Variants in EIF4E observed in about 807,000 individuals in gnomAD.
The protein encoded by EIF4E is eIF-4F 25 kDa subunit.
For synonymous variants in EIF4E, 71 were observed against 88.5 expected (o/e 0.80, Z 1.11); for missense variants, 113 against 265.6 (o/e 0.43, Z 3.99).
chr4:98,881,175 T>G, intron 6 of EIF4E, 33 bp from the exon 7 acceptor site: 1 of 1,604,930 alleles, frequency 6.2e-7, no homozygotes, highest in Non-Finnish European at 8.5e-7. Flanking sequence ...AAGAAAAAAG[T>G]AGTCATTAAC....
At chr4:98,901,600 C>T (rs989459677) in intron 2 of EIF4E, among the ~76,000 whole-genome samples, 2 of 152,184 alleles carry the variant, frequency 1.3e-5, no homozygotes, top group Non-Finnish European at 2.9e-5. Flanking sequence ...GGTCTTTGTC[C>T]TGAGTCAAGT....
intron 1 of EIF4E, among the ~76,000 whole-genome samples, chr4:98,923,605 C>G (rs1271838643): frequency 6.6e-6 from 1 of 152,194 alleles, no homozygotes; most frequent in Non-Finnish European, 1.5e-5. Flanking sequence ...GCCACCAAGC[C>G]CAGCCCCTTT....
intron 1 of EIF4E, among the ~76,000 whole-genome samples, chr4:98,902,490 C>T (rs543012293): frequency 2.6e-5 from 4 of 152,118 alleles, no homozygotes; most frequent in South Asian, 2.1e-4. Context: ...AAAGAGCAAA[C>T]GGTTTCTCAA....
intron 1 of EIF4E, 108 bp downstream of exon 1, chr4:98,928,987 G>A (rs758467158): frequency 1.0e-4 from 165 of 1,572,546 alleles, no homozygotes; most frequent in Non-Finnish European, 1.4e-4. Flanking sequence ...GGGAAGGGGC[G>A]GCAAGGGGTA....
intron 1 of EIF4E, among the ~76,000 whole-genome samples, chr4:98,920,997 C>T (rs1052428119): frequency 6.6e-6 from 1 of 152,128 alleles, no homozygotes; most frequent in Non-Finnish European, 1.5e-5. Flanking sequence ...TTCTCTCTCA[C>T]TTATGTTAAT....
At chr4:98,927,997 A>AT (rs560196408) in intron 1 of EIF4E, among the ~76,000 whole-genome samples, 82 of 152,340 alleles carry the variant, frequency 5.4e-4, no homozygotes, top group African/African-American at 1.9e-3. Context: ...TAAGTTTAAA[A>AT]TGGTGCCTAA....
At chr4:98,903,314 G>T (rs150676004) in intron 1 of EIF4E, 8 of 409,936 alleles carry the variant, frequency 2.0e-5, no homozygotes, top group South Asian at 1.4e-4. Context: ...TTGTCTAAAA[G>T]AATGCAGAGC....
At chr4:98,885,085 A>C in intron 5 of EIF4E, 24 bp from the exon 6 acceptor site, 1 of 1,602,522 alleles carries the variant, frequency 6.2e-7, no homozygotes, top group African/African-American at 1.3e-5. Flanking sequence ...CCCAAATTAC[A>C]TTTAATAGAT....
intron 2 of EIF4E, among the ~76,000 whole-genome samples, chr4:98,894,893 A>G (rs1724308233): frequency 6.6e-6 from 1 of 152,220 alleles, no homozygotes; most frequent in African/African-American, 2.4e-5. Flanking sequence ...AAAGTGAGAG[A>G]CATGCAACTC....
chr4:98,895,901 A>T (rs1435776090), intron 2 of EIF4E, among the ~76,000 whole-genome samples: 1 of 152,040 alleles, frequency 6.6e-6, no homozygotes, highest in Non-Finnish European at 1.5e-5. Flanking sequence ...ACATTTAAAA[A>T]ATTAGCCAGG....
intron 1 of EIF4E, among the ~76,000 whole-genome samples, chr4:98,922,178 A>T (rs894439364): frequency 3.9e-5 from 6 of 152,170 alleles, no homozygotes; most frequent in African/African-American, 1.4e-4. Context: ...TGGCTGCTTT[A>T]ATTTAAACTC....
intron 2 of EIF4E, among the ~76,000 whole-genome samples, chr4:98,899,550 T>C (rs1014120078): frequency 6.6e-6 from 1 of 152,184 alleles, no homozygotes; most frequent in South Asian, 2.1e-4. Flanking sequence ...TTCTAGGAGA[T>C]CTGAAATTTT....
intron 6 of EIF4E, among the ~76,000 whole-genome samples, chr4:98,881,813 T>A (rs1256231624): frequency 6.6e-6 from 1 of 152,220 alleles, no homozygotes; most frequent in African/African-American, 2.4e-5. Context: ...AAGACATGAC[T>A]CTATTGCAAG....
Position 98,901,963 on chromosome 4 carries a change from T to A in EIF4E, c.38A>T (p.Asn13Ile). The A allele has an allele frequency of 6.2e-7, 1 of 1,613,728 alleles. No individual in the cohort carries two copies. The highest frequency in any genetic ancestry group is 1.1e-5 in the South Asian group (1 of 91,062). ...TVEPETTPTP[N>I]PPTTEEEKTE... The stretch of plus-strand genomic sequence containing the variant: ...TTTCTCCTCTTCTGTAGTCGGGGGA[T>A]TAGGAGTAGGGGTGGTTTCCTAGTG... Residue 13 changes from asparagine (N) to isoleucine (I), a missense_variant, in exon 2 of 7, where the codon AAT becomes ATT. Coordinates refer to ENST00000450253, the MANE Select transcript of EIF4E (RefSeq NM_001968.5).
Position 98,887,596 on chromosome 4 carries a change from G to T in EIF4E, c.285+293C>A, listed in dbSNP as rs1228466463. Among the ~76,000 whole-genome samples, 2 of 152,130 alleles carry T rather than the reference G, an allele frequency of 1.3e-5. No individual in the cohort carries two copies. The highest frequency in any genetic ancestry group is 4.8e-5 in the African/African-American group (2 of 41,408). On this transcript the variant is annotated intron_variant, in intron 4 of 6. Transcript: ENST00000450253. This position sits in a 1 kb window ranked among gnomAD's most constrained non-coding sequence, Gnocchi z 4.0. ...TATTCCAAGGACCCATGCTCCTAAG[G>T]TTAAGAATGCTTGATAAACTCAGTC...
At position 98,914,505 on chromosome 4, in the gene EIF4E, G is replaced by T. The variant is rs187813092; in HGVS notation, c.19-12523C>A. ...AAAATGAGTTATCAAGCCATAAAAA[G>T]ACGTAGAAGGAACTTAAATGTATAT... is the stretch of plus-strand genomic sequence containing the variant. On this transcript the variant is annotated intron_variant, in intron 1 of 6. Transcript: ENST00000450253. Among the ~76,000 whole-genome samples, 150 of 146,172 alleles carry T rather than the reference G, an allele frequency of 1.0e-3. 1 individual carries two copies. Among genetic ancestry groups the T allele is most frequent in the Middle Eastern group, 4.0e-3 (1 of 252 alleles).
intron 1 of EIF4E, among the ~76,000 whole-genome samples, chr4:98,920,011 T>C (rs1225035489): frequency 6.6e-6 from 1 of 152,258 alleles, no homozygotes; most frequent in Non-Finnish European, 1.5e-5. Flanking sequence ...AGCCAGTGGC[T>C]ACTGTATTGG....
chr4:98,894,776 C>T (rs1014904239), intron 2 of EIF4E, among the ~76,000 whole-genome samples: 5 of 152,228 alleles, frequency 3.3e-5, no homozygotes, highest in African/African-American at 1.2e-4. Context: ...TTTTCCTTTG[C>T]TTTCACAACC....
chr4:98,896,620 T>C (rs756867288), intron 2 of EIF4E, among the ~76,000 whole-genome samples: 4 of 135,724 alleles, frequency 2.9e-5, no homozygotes, highest in Admixed American at 1.7e-4. Flanking sequence ...GCTATTATCA[T>C]GCCACTGCTC....
Sources: gnomAD v4.1 joint callset for allele counts (sites outside exome capture counted in the v4.1 genomes callset) on GRCh38, gnomAD v4.1.1 for gene constraint, Gnocchi (gnomAD v3.1) non-coding constraint, MANE v1.5 for transcripts, NCBI Gene and HGNC (gene_info 2026-07-23, HGNC 2026-07-21) for gene names.